PAK3: variants seen among roughly 807,000 people sequenced by gnomAD.
The protein encoded by PAK3 is serine/threonine-protein kinase PAK 3.
PAK3 carries 4 observed loss-of-function variants against 41.0 expected under a neutral mutation model. That is an observed-to-expected ratio of 0.10 (90% CI 0.05 to 0.22). PAK3 has a LOEUF of 0.22. PAK3 is among the 10% of genes least tolerant of loss of function. PAK3 has a pLI of 1.00. For missense variants in PAK3, 205 were observed against 409.9 expected (o/e 0.50, Z 4.32); for synonymous variants, 146 against 139.6 (o/e 1.05, Z -0.32).
Position 111,147,790 on chromosome X carries a change from G to A in PAK3, c.330G>A (p.Leu110=), listed in dbSNP as rs1380440762. Residue 110 remains leucine, a synonymous_variant, in exon 7 of 18, where the codon TTG becomes TTA. Transcript: ENST00000372007. ...RLLQTSNITK[L]EQKKNPQAVL... ...TCCAAACTTCCAACATAACAAAATT[G>A]GAACAGAAGAAGAACCCACAAGCTG... The A allele has an allele frequency of 1.7e-6, 2 of 1,203,339 alleles. No homozygotes were observed. The highest frequency in any genetic ancestry group is 5.9e-5 in the East Asian group (2 of 33,758).
chrX:111,165,854 A>G (rs1440485611), intron 10 of PAK3, among the ~76,000 whole-genome samples: 1 of 112,276 alleles, frequency 8.9e-6, no homozygotes, highest in Non-Finnish European at 1.9e-5. Context: ...TTTTGCTTGT[A>G]AACTCTAGTG....
intron 1 of PAK3, among the ~76,000 whole-genome samples, chrX:111,014,490 T>G (rs1389804858): frequency 8.9e-6 from 1 of 111,754 alleles, no homozygotes; most frequent in African/African-American, 3.3e-5. Context: ...GAACCCTTGG[T>G]CCTCAGGGAA....
At chrX:110,993,102 C>T (rs953268438) in intron 1 of PAK3, among the ~76,000 whole-genome samples, 2 of 111,677 alleles carry the variant, frequency 1.8e-5, no homozygotes, top group African/African-American at 6.5e-5. Context: ...GGTTACAGTG[C>T]AATGATTATA....
chrX:111,136,676 C>T (rs958383879), intron 5 of PAK3, among the ~76,000 whole-genome samples: 1 of 111,674 alleles, frequency 9.0e-6, no homozygotes, highest in Admixed American at 9.5e-5. Context: ...AGCAGGTTAG[C>T]CAGATGGGAA....
chrX:111,051,808 C>T (rs1021425927), intron 1 of PAK3, among the ~76,000 whole-genome samples: 1 of 111,881 alleles, frequency 8.9e-6, no homozygotes, highest in Non-Finnish European at 1.9e-5. Flanking sequence ...TGATTAGATA[C>T]TTCTCAGCCT....
intron 1 of PAK3, among the ~76,000 whole-genome samples, chrX:111,031,191 T>C (rs1416873934): frequency 1.8e-5 from 2 of 112,092 alleles, no homozygotes; most frequent in Non-Finnish European, 3.8e-5. Context: ...GAAATAGATA[T>C]GTGGAACAAG....
At chrX:111,197,623 A>G (rs1283164620) in intron 16 of PAK3, among the ~76,000 whole-genome samples, 1 of 111,947 alleles carries the variant, frequency 8.9e-6, no homozygotes, top group Non-Finnish European at 1.9e-5. Context: ...TGGCTGAACT[A>G]ATTTACATTC....
chrX:111,215,037 T>A (rs991488625), intron 16 of PAK3, among the ~76,000 whole-genome samples: 2 of 111,589 alleles, frequency 1.8e-5, no homozygotes, highest in Non-Finnish European at 3.8e-5. Flanking sequence ...AACTACTTCA[T>A]CCTTGTGTTT....
At chrX:110,971,979 G>A (rs749287700) in intron 1 of PAK3, among the ~76,000 whole-genome samples, 4 of 110,530 alleles carry the variant, frequency 3.6e-5, no homozygotes, top group African/African-American at 1.3e-4. Flanking sequence ...AAAATCAAAC[G>A]GCCATAAGTG....
chrX:111,208,447 G>T (rs1468967827), intron 16 of PAK3, among the ~76,000 whole-genome samples: 1 of 111,886 alleles, frequency 8.9e-6, no homozygotes, highest in African/African-American at 3.3e-5. Context: ...AGTGCTGCAA[G>T]CTCCATTCAT....
At chrX:111,204,511 C>A (rs2094718243) in intron 16 of PAK3, among the ~76,000 whole-genome samples, 1 of 111,363 alleles carries the variant, frequency 9.0e-6, no homozygotes, top group Non-Finnish European at 1.9e-5. Flanking sequence ...TGCCCATGCA[C>A]GTGTTTTATC....
At chrX:111,158,007 C>T (rs775196134) in intron 8 of PAK3, among the ~76,000 whole-genome samples, 2 of 111,444 alleles carry the variant, frequency 1.8e-5, no homozygotes, top group South Asian at 7.5e-4. Flanking sequence ...AAAATGATCA[C>T]CAGGAAAACC....
At chrX:110,967,008 A>G (rs965724271) in intron 1 of PAK3, among the ~76,000 whole-genome samples, 3 of 112,029 alleles carry the variant, frequency 2.7e-5, no homozygotes, top group African/African-American at 9.7e-5. Flanking sequence ...TCTGTGTGCA[A>G]GGGAATGCTA....
intron 1 of PAK3, among the ~76,000 whole-genome samples, chrX:111,087,693 G>A (rs2092898886): frequency 2.9e-5 from 3 of 101,729 alleles, no homozygotes; most frequent in Non-Finnish European, 5.9e-5. Context: ...TGTGGACGTG[G>A]AAGAAAAAGG....
intron 1 of PAK3, among the ~76,000 whole-genome samples, chrX:111,069,447 ACT>A (rs1476046015): frequency 1.8e-5 from 2 of 111,735 alleles, no homozygotes; most frequent in Non-Finnish European, 3.8e-5. Flanking sequence ...CTTCAAACCT[ACT>A]GTTTCTAACA....
At chrX:111,072,826 T>C (rs1180455475) in intron 1 of PAK3, among the ~76,000 whole-genome samples, 1 of 111,928 alleles carries the variant, frequency 8.9e-6, no homozygotes, top group Non-Finnish European at 1.9e-5. Flanking sequence ...TGGGGAGATG[T>C]TGCTGCAGTA....
chrX:111,055,462 C>G lies in PAK3; in HGVS notation c.-27-67615C>G, dbSNP rs2092597176. Among the ~76,000 whole-genome samples, 4 of 112,293 alleles carry G rather than the reference C, an allele frequency of 3.6e-5. No individual in the cohort carries two copies. In the South Asian group the frequency reaches 1.5e-3, roughly 42 times the overall value. On this transcript the variant is annotated intron_variant, in intron 1 of 14. Coordinates refer to the PAK3 transcript ENST00000425146. ...TAGTGTGTTGGCTCCTAATGTGGGT[C>G]CCACATCAACTCTTCACAGAGCATT...
rs893711563 is a variant in PAK3 at position 111,197,943 on chromosome X, C to T, written c.1407+1303C>T. ...CTCCTGGCCTCAAGTGATTGACTTG[C>T]CTTGGCCTCCCAAAGTGCTTGGATT... On this transcript the variant is annotated intron_variant, in intron 16 of 17. Transcript: ENST00000372007. Among the ~76,000 whole-genome samples, 3 of 112,277 alleles carry T rather than the reference C, an allele frequency of 2.7e-5. No individual in the cohort carries two copies. In the Admixed American group the frequency reaches 2.8e-4, roughly 11 times the overall value.
intron 1 of PAK3, among the ~76,000 whole-genome samples, chrX:111,030,632 G>C (rs1025022551): frequency 1.8e-5 from 2 of 111,091 alleles, no homozygotes; most frequent in Non-Finnish European, 3.8e-5. Flanking sequence ...TAGTTGAAGG[G>C]ATGTTGGATG....
Sources: allele counts gnomAD v4.1 joint callset (sites outside exome capture counted in the v4.1 genomes callset), GRCh38; gene constraint gnomAD v4.1.1; transcripts MANE v1.5; gene names NCBI Gene and HGNC (gene_info 2026-07-23, HGNC 2026-07-21).